Variants in CNN1 observed in about 807,000 individuals in gnomAD.
CNN1 encodes calponin-1.
Under a neutral mutation model 35.3 loss-of-function variants are expected in CNN1, and 21 were observed. That is an observed-to-expected ratio of 0.60 (90% confidence interval 0.42 to 0.86). The LOEUF is 0.86. Among genes scored for constraint, CNN1 ranks in the 40% least tolerant of loss-of-function variants. The pLI is 0.00. For synonymous variants in CNN1, 164 were observed against 161.8 expected, an observed-to-expected ratio of 1.01 and a Z score of -0.10; for missense variants, 314 against 400.8, an observed-to-expected ratio of 0.78 and a Z score of 1.85.
At chr19:11,539,950 C>T (rs1972422494) in intron 1 of CNN1, 2 of 1,114,434 alleles carry the variant, frequency 1.8e-6, no homozygotes, top group Non-Finnish European at 2.2e-6. Flanking sequence ...GAGCCCGGGC[C>T]ACGCTATATA....
intron 1 of CNN1, 193 bp downstream of exon 1, chr19:11,539,183 G>A (rs1972404433): frequency 1.7e-6 from 2 of 1,210,854 alleles, no homozygotes; most frequent in South Asian, 2.3e-5. Context: ...GGTTGGGGCT[G>A]GAATGGGGGG....
intron 5 of CNN1, among the ~76,000 whole-genome samples, chr19:11,548,612 C>T (rs1306383943): frequency 3.3e-5 from 5 of 151,976 alleles, no homozygotes; most frequent in Non-Finnish European, 7.4e-5. Context: ...CCGAGGCAGG[C>T]GGATCACTTA....
At chr19:11,545,790 C>T (rs1333892093) in intron 2 of CNN1, among the ~76,000 whole-genome samples, 1 of 142,636 alleles carries the variant, frequency 7.0e-6, no homozygotes, top group African/African-American at 2.7e-5. Flanking sequence ...GTGAAACCCC[C>T]TCTCTACCAA....
At chr19:11,546,604 G>T in intron 2 of CNN1, 71 bp from the exon 3 acceptor site, 1 of 1,550,544 alleles carries the variant, frequency 6.4e-7, no homozygotes, top group Non-Finnish European at 8.9e-7. Flanking sequence ...AAAGTGCTGG[G>T]ATTACAGGCG....
chr19:11,540,030 G>C, intron 1 of CNN1: 1 of 1,053,050 alleles, frequency 9.5e-7, no homozygotes, highest in South Asian at 2.7e-5. Context: ...AGGTGAGGGG[G>C]CCGCCCCTCC....
chr19:11,548,494 A>T (rs1972641496), intron 5 of CNN1, among the ~76,000 whole-genome samples: 1 of 152,152 alleles, frequency 6.6e-6, no homozygotes, highest in Non-Finnish European at 1.5e-5. Flanking sequence ...GGTTACAATG[A>T]TTGCATCACT....
rs768094755 is a variant in CNN1, at chr19:11,549,388, C to T, written c.567C>T (p.Tyr189=). 38 of 1,613,852 alleles carry T rather than the reference C, an allele frequency of 2.4e-5. No homozygotes were observed. The highest frequency in any genetic ancestry group is 7.7e-5 in the South Asian group (7 of 91,076). The change falls in exon 6 of 7, where the codon TAC becomes TAT. Residue 189 remains tyrosine, a synonymous_variant. Coordinates refer to ENST00000252456, the MANE Select transcript of CNN1 (RefSeq NM_001299.6). This position sits in a 1 kb window ranked among gnomAD's most constrained non-coding sequence, Gnocchi z 5.2. ...MTAYGTRRHL[Y]DPKLGTDQPL... ...CCTATGGCACCCGGCGCCACCTCTA[C>T]GACCCCAAGCTGGGCACAGACCAGC... is the stretch of plus-strand genomic sequence containing the variant.
In CNN1 at chr19:11,538,861, C is replaced by T; in HGVS notation, c.-67C>T. ...AGGAGGGAAGAGTGTGCAGACGGAA[C>T]TTCAGCCGCTGCCTCTGTTCTCAGC... On this transcript the variant is annotated 5_prime_UTR_variant, in exon 1 of 7. Coordinates refer to ENST00000252456, the MANE Select transcript of CNN1 (RefSeq NM_001299.6). The T allele has an allele frequency of 7.3e-7, 1 of 1,362,636 alleles. No homozygotes were observed. The highest frequency in any genetic ancestry group is 9.8e-7 in the Non-Finnish European group (1 of 1,020,796). The allele number at this position is 1,362,636 out of a possible 1,614,324, so 84.4% of individuals were successfully genotyped here.
At position 11,546,722 on chromosome 19, in the gene CNN1, C is replaced by A; in HGVS notation, c.233C>A (p.Ser78Ter). The A allele has an allele frequency of 6.2e-7, 1 of 1,614,168 alleles. No homozygotes were observed. Among genetic ancestry groups the A allele is most frequent in the South Asian group, 1.1e-5 (1 of 91,082 alleles). ...GGCTCCGTGAAGAAGATCAATGAGT[C>A]AACCCAAAATTGGCACCAGGTGAGC... The part of the protein sequence containing the change: ...QPGSVKKINE[S>*]TQNWHQLENI... The change falls in exon 3 of 7, where the codon TCA becomes TAA. Residue 78 changes from serine (S) to a stop codon, truncating the protein, a stop_gained. Coordinates refer to ENST00000252456, the MANE Select transcript of CNN1 (RefSeq NM_001299.6). LOFTEE classifies it high-confidence loss of function.
At chr19:11,544,618 C>T (rs1972539795) in intron 2 of CNN1, among the ~76,000 whole-genome samples, 1 of 151,432 alleles carries the variant, frequency 6.6e-6, no homozygotes, top group Admixed American at 6.6e-5. Flanking sequence ...TCCTCAGTAG[C>T]TGGAACTACA....
Position 11,547,931 on chromosome 19 carries a change from A to G in CNN1, c.501+24A>G, listed in dbSNP as rs373437038. 9 of 1,587,752 alleles carry G rather than the reference A, an allele frequency of 5.7e-6. No individual in the cohort carries two copies. The African/African-American group carries it at 9.4e-5, about 17-fold the overall frequency. ...AGGTACCGCCCTGTCCTCACTGCGC[A>G]GAGGTCATAGAGGCCAGGAGGGCAC... On this transcript the variant is annotated intron_variant, in intron 5 of 6. Transcript: ENST00000252456.
Position 11,543,643 on chromosome 19 carries a change from C to T in CNN1, c.185+2446C>T, listed in dbSNP as rs560970717. On this transcript the variant is annotated intron_variant, in intron 2 of 6. Coordinates refer to ENST00000252456, the MANE Select transcript of CNN1 (RefSeq NM_001299.6). ...AAAAAAATACAAAAAATTAGCCGGG[C>T]GTGGTGGCAGGCGCTTGTAGTCCCA... Among the ~76,000 whole-genome samples the T allele has an allele frequency of 1.8e-3, 272 of 151,420 alleles. 1 individual carries two copies. The highest frequency in any genetic ancestry group is 5.9e-3 in the African/African-American group (243 of 41,300).
rs1358116852 is a variant in CNN1, at chr19:11,539,006, C to A, written c.63+16C>A. ...TAAGAACAAGGTAGGGCTGGAGGGC[C>A]TCCCTGGCCTGGCCCACACGTCCTG... On this transcript the variant is annotated intron_variant, in intron 1 of 6. Transcript: ENST00000252456. The A allele has an allele frequency of 6.4e-7, 1 of 1,567,328 alleles. No individual in the cohort carries two copies.
At chr19:11,546,315 A>G (rs1972580381) in intron 2 of CNN1, among the ~76,000 whole-genome samples, 1 of 148,740 alleles carries the variant, frequency 6.7e-6, no homozygotes, top group Non-Finnish European at 1.5e-5. Context: ...GCTGGGCTGG[A>G]GAGCGGGAGT....
rs1972674061 is a variant in CNN1 at position 11,549,666 on chromosome 19, G to A, written c.765G>A (p.Gln255=). 1 of 1,614,012 alleles carries A rather than the reference G, an allele frequency of 6.2e-7. No homozygotes were observed. The highest frequency in any genetic ancestry group is 1.3e-5 in the African/African-American group (1 of 74,954). ...TGGGCAGCAACAAGGGCGCCTCGCA[G>A]CGGGGCATGACGGTGTATGGGCTGC... ...LQMGSNKGAS[Q]RGMTVYGLPR... is the part of the protein sequence containing the mutation. The change falls in exon 7 of 7, where the codon CAG becomes CAA. Residue 255 remains glutamine (Q), a synonymous_variant. Transcript: ENST00000252456. The surrounding 1 kb of genome is among the most constrained non-coding windows in gnomAD (Gnocchi z 5.2).
At chr19:11,543,180 T>C (rs1457301444) in intron 2 of CNN1, among the ~76,000 whole-genome samples, 2 of 152,004 alleles carry the variant, frequency 1.3e-5, no homozygotes, top group Admixed American at 1.3e-4. Context: ...ATTCCATCTC[T>C]ACAAAACATT....
intron 2 of CNN1, among the ~76,000 whole-genome samples, chr19:11,546,237 G>T: frequency 6.6e-6 from 1 of 152,182 alleles, no homozygotes; most frequent in Middle Eastern, 3.2e-3. Flanking sequence ...AGAGCTGACT[G>T]CAGGGAGAAG....
In CNN1 at chr19:11,538,954, C is replaced by A; in HGVS notation, c.27C>A (p.Gly9=). The change falls in exon 1 of 7, where the codon GGC becomes GGA. Residue 9 remains glycine, a synonymous_variant. Transcript: ENST00000252456. MSSAHFNR[G]PAYGLSAEVK... Reference sequence around the variant, plus strand: ...TGTCCTCTGCTCACTTCAACCGAGGCCCTGCCTACGGGCTGTCAGCCGAGG... The same window carrying A: ...TGTCCTCTGCTCACTTCAACCGAGGACCTGCCTACGGGCTGTCAGCCGAGG... The A allele has an allele frequency of 6.3e-7, 1 of 1,594,916 alleles. No homozygotes were observed. Among genetic ancestry groups the A allele is most frequent in the East Asian group, 2.3e-5 (1 of 42,986 alleles).
chr19:11,546,565 A>T (rs1188004318), intron 2 of CNN1, 110 bp from the exon 3 acceptor site: 1 of 1,082,210 alleles, frequency 9.2e-7, no homozygotes, highest in Non-Finnish European at 1.4e-6. Context: ...CGCTCTCCTG[A>T]CCTCGTGATC....
Sources: allele counts gnomAD v4.1 joint callset (sites outside exome capture counted in the v4.1 genomes callset), GRCh38; gene constraint gnomAD v4.1.1; non-coding constraint Gnocchi (gnomAD v3.1); transcripts MANE v1.5; gene names NCBI Gene and HGNC (gene_info 2026-07-23, HGNC 2026-07-21).